The following AMBN variants were observed in gnomAD, a reference collection of about 807,000 sequenced individuals.
AMBN encodes the protein enamel matrix protein.
Under a neutral mutation model 48.0 loss-of-function variants are expected in AMBN, and 54 were observed. That is an observed-to-expected ratio of 1.12 (90% confidence interval 0.90 to 1.41). AMBN has a LOEUF of 1.41. Among genes scored for constraint, AMBN ranks in the 40% most tolerant of loss-of-function variants. The pLI is 0.00. For synonymous variants in AMBN, 186 were observed against 190.0 expected (o/e 0.98, Z 0.17); for missense variants, 571 against 547.3 (o/e 1.04, Z -0.43).
At chr4:70,602,928 G>C (rs757641274) in intron 8 of AMBN, 44 bp from the exon 9 acceptor site, 4 of 1,542,446 alleles carry the variant, frequency 2.6e-6, no homozygotes, top group Admixed American at 4.0e-5. Flanking sequence ...TATCTATTTT[G>C]TTCCTTTTTT....
intron 2 of AMBN, among the ~76,000 whole-genome samples, chr4:70,593,981 T>C (rs142563291): frequency 6.6e-6 from 1 of 151,176 alleles, no homozygotes; most frequent in East Asian, 1.9e-4. Context: ...AAAGCTTAGA[T>C]AGTCTCCACA....
At chr4:70,593,457 C>A in intron 2 of AMBN, 62 bp downstream of exon 2, 2 of 1,376,830 alleles carry the variant, frequency 1.5e-6, no homozygotes, top group Non-Finnish European at 1.0e-6. Flanking sequence ...CCAAACAACA[C>A]TGAAGGGATA....
rs537315226 is a variant in AMBN at position 70,603,933 on chromosome 4, C to T, written c.798+12C>T. The stretch of plus-strand genomic sequence containing the variant: ...CAGAAGAAGTGGCAGTGAGTAATGT[C>T]TTCTAACTCTTCTTAAAATAGTGGC... On this transcript the variant is annotated intron_variant, in intron 12 of 12. Transcript: ENST00000322937. 4 of 1,612,998 alleles carry T rather than the reference C, an allele frequency of 2.5e-6. No individual in the cohort carries two copies. The highest frequency in any genetic ancestry group is 2.7e-5 in the African/African-American group (2 of 74,890).
intron 1 of AMBN, 135 bp downstream of exon 1, chr4:70,592,508 A>G: frequency 1.1e-6 from 1 of 951,556 alleles, no homozygotes; most frequent in South Asian, 1.5e-5. Context: ...ATCCATTAGC[A>G]TGTCCCAGAG....
intron 12 of AMBN, among the ~76,000 whole-genome samples, chr4:70,604,598 A>C (rs1164199512): frequency 6.6e-6 from 1 of 152,234 alleles, no homozygotes; most frequent in East Asian, 1.9e-4. Flanking sequence ...TAACAAACAC[A>C]CACACATATT....
chr4:70,596,475 A>G (rs1737387507), intron 2 of AMBN, among the ~76,000 whole-genome samples: 1 of 152,192 alleles, frequency 6.6e-6, no homozygotes, highest in Admixed American at 6.5e-5. Context: ...ATCTTTCACT[A>G]AAAATGATAG....
chr4:70,599,480 C>T, intron 4 of AMBN, 56 bp from the exon 5 acceptor site: 2 of 1,262,572 alleles, frequency 1.6e-6, no homozygotes, highest in Non-Finnish European at 2.2e-6. Flanking sequence ...CAAATATAAC[C>T]AATGTTATAT....
Position 70,602,687 on chromosome 4 carries a change from C to G in AMBN, c.570+25C>G, listed in dbSNP as rs1553884744. ...AGTAAGTACAGATCTCAATGAGACA[C>G]TTTCTGTATTTTATTTTTTAATTTT... On this transcript the variant is annotated intron_variant, in intron 7 of 12. Coordinates refer to ENST00000322937, the MANE Select transcript of AMBN (RefSeq NM_016519.6). 3 of 1,543,896 alleles carry G rather than the reference C, an allele frequency of 1.9e-6. No homozygotes were observed. In the South Asian group the frequency reaches 3.8e-5, roughly 19 times the overall value.
At chr4:70,605,711 C>A (rs969834862) in intron 12 of AMBN, among the ~76,000 whole-genome samples, 1 of 151,980 alleles carries the variant, frequency 6.6e-6, no homozygotes, top group Non-Finnish European at 1.5e-5. Flanking sequence ...TCACTTGAGC[C>A]TAGGAGTTCT....
At chr4:70,599,067 G>A (rs961004673) in intron 4 of AMBN, among the ~76,000 whole-genome samples, 11 of 150,908 alleles carry the variant, frequency 7.3e-5, no homozygotes, top group African/African-American at 2.2e-4. Context: ...GAGCCACCAC[G>A]TCCAGCCATA....
intron 5 of AMBN, 79 bp from the exon 6 acceptor site, chr4:70,601,339 G>A: frequency 1.4e-6 from 2 of 1,443,862 alleles, no homozygotes; most frequent in Admixed American, 1.8e-5. Context: ...AGCGCCCCAA[G>A]CCCCTTTGTT....
chr4:70,606,127 C>T lies in AMBN; in HGVS notation c.799-58C>T, dbSNP rs1737636806. 1.6e-5 allele frequency: 26 copies of T among 1,579,910 alleles called. 1 individual carries two copies. In the South Asian group the frequency reaches 2.4e-4, roughly 15 times the overall value. ...TGGTGAATGTGACCAGGTATAGCTG[C>T]ATGGTATAGTTAATAGCATGTGATG... On this transcript the variant is annotated intron_variant, in intron 12 of 12. Coordinates refer to ENST00000322937, the MANE Select transcript of AMBN (RefSeq NM_016519.6).
chr4:70,602,936 T>G, intron 8 of AMBN, 36 bp from the exon 9 acceptor site: 1 of 1,568,992 alleles, frequency 6.4e-7, no homozygotes, highest in Admixed American at 1.9e-5. Flanking sequence ...TTGTTCCTTT[T>G]TTGACTGATA....
intron 1 of AMBN, 30 bp downstream of exon 1, chr4:70,592,403 T>A: frequency 6.2e-7 from 1 of 1,613,332 alleles, no homozygotes; most frequent in Non-Finnish European, 8.5e-7. Context: ...TTTCCATGTG[T>A]TTCCTGTAAA....
Position 70,598,365 on chromosome 4 carries a change from C to T in AMBN, c.145C>T (p.Gln49Ter), listed in dbSNP as rs773197079. 1.3e-6 allele frequency: 2 copies of T among 1,581,988 alleles called. No individual in the cohort carries two copies. Among genetic ancestry groups the T allele is most frequent in the South Asian group, 2.3e-5 (2 of 85,186 alleles). ...MASLSLETMR[Q>*]LGSLQRLNTL... ...TTTTTTTTCTTGATAGACAATGAGA[C>T]AGTTGGGAAGTCTGCAGAGATTAAA... Residue 49 changes from glutamine to a stop codon, truncating the protein, a stop_gained, in exon 4 of 13, where the codon CAG (glutamine) becomes TAG (stop). Coordinates refer to ENST00000322937, the MANE Select transcript of AMBN (RefSeq NM_016519.6). LOFTEE classifies it high-confidence loss of function.
rs145240720 is a variant in AMBN, at chr4:70,606,340, C to A, written c.954C>A (p.Asn318Lys). Residue 318 changes from asparagine to lysine, a missense_variant, in exon 13 of 13, where the codon AAC becomes AAA. By Grantham distance (94) the Asn-to-Lys change is moderately conservative. Coordinates refer to ENST00000322937, the MANE Select transcript of AMBN (RefSeq NM_016519.6). Reference sequence around the variant, plus strand: ...TGGCTGCCACCAAAGGCCCTGAGAACGAAGAAGGAGGTGCACAAGGCTCCC... The same window carrying A: ...TGGCTGCCACCAAAGGCCCTGAGAAAGAAGAAGGAGGTGCACAAGGCTCCC... Reference protein sequence around the residue: ...SPVAATKGPENEEGGAQGSPM... With the variant: ...SPVAATKGPEKEEGGAQGSPM... 7 of 1,614,042 alleles carry A rather than the reference C, an allele frequency of 4.3e-6. No homozygotes were observed. The highest frequency in any genetic ancestry group is 5.1e-6 in the Non-Finnish European group (6 of 1,180,002).
Sources: gnomAD v4.1 joint callset for allele counts (sites outside exome capture counted in the v4.1 genomes callset) on GRCh38, gnomAD v4.1.1 for gene constraint, MANE v1.5 for transcripts, NCBI Gene and HGNC (gene_info 2026-07-23, HGNC 2026-07-21) for gene names.